Variants in ZSCAN25 observed in about 807,000 individuals in gnomAD.
ZSCAN25 encodes zinc finger and SCAN domain containing 25.
ZSCAN25 carries 27 observed loss-of-function variants against 38.7 expected under a neutral mutation model. That is an observed-to-expected ratio of 0.70 (90% confidence interval 0.51 to 0.96). ZSCAN25 has a LOEUF of 0.96. Among genes scored for constraint, ZSCAN25 ranks in the 40% least tolerant of loss-of-function variants. The pLI, the probability that ZSCAN25 is intolerant of heterozygous loss-of-function variation, is 0.00. For synonymous variants in ZSCAN25, 273 were observed against 277.7 expected (o/e 0.98, Z 0.17); for missense variants, 637 against 705.9 (o/e 0.90, Z 1.11).
the ZSCAN25 span, chr7:99,674,473 C>A: frequency 4.4e-6 from 6 of 1,359,046 alleles, no homozygotes; most frequent in Non-Finnish European, 6.3e-6. Context: ...GACTATCCTG[C>A]AGTGGGGTAA....
the ZSCAN25 span, chr7:99,638,826 G>A: frequency 2.4e-5 from 17 of 700,074 alleles, no homozygotes; most frequent in Non-Finnish European, 4.3e-5. Context: ...AGCCAACAAC[G>A]CCGCCGCCGC....
the ZSCAN25 span, among the ~76,000 whole-genome samples, chr7:99,675,933 C>T: frequency 1.3e-5 from 2 of 151,266 alleles, no homozygotes; most frequent in East Asian, 4.0e-4. Flanking sequence ...TGGGCTCAAG[C>T]AATTTGCCAG....
chr7:99,735,177 T>A, the ZSCAN25 span: 1 of 1,557,114 alleles, frequency 6.4e-7, no homozygotes, highest in Non-Finnish European at 8.8e-7. Flanking sequence ...GTGTGGAGCT[T>A]TCCTGCCCTG....
the ZSCAN25 span, among the ~76,000 whole-genome samples, chr7:99,639,404 C>T: frequency 0.071 from 10,858 of 152,196 alleles, 533 homozygotes; most frequent in Non-Finnish European, 0.11. Flanking sequence ...CTGTTGAAGT[C>T]TAATCTCAGG....
chr7:99,676,592 A>G, the ZSCAN25 span: 1 of 1,345,972 alleles, frequency 7.4e-7, no homozygotes, highest in East Asian at 4.5e-5. Context: ...TAGAAAGAGT[A>G]AGATTTTTTT....
the ZSCAN25 span, among the ~76,000 whole-genome samples, chr7:99,651,108 A>G: frequency 6.6e-6 from 1 of 152,152 alleles, no homozygotes; most frequent in African/African-American, 2.4e-5. Flanking sequence ...GATAGTCAGG[A>G]GGAGGGTGAT....
chr7:99,713,526 C>A, the ZSCAN25 span: 34 of 1,613,266 alleles, frequency 2.1e-5, no homozygotes, highest in Non-Finnish European at 2.9e-5. Context: ...TGAAGGAAAT[C>A]CACTCGGTGC....
At position 99,629,173 on chromosome 7, in the gene ZSCAN25, TCTC is replaced by T. The variant is rs1344608489; in HGVS notation, c.806-12_806-10del. On this transcript the variant is annotated splice_polypyrimidine_tract_variant and intron_variant, in intron 7 of 7. Coordinates refer to ENST00000394152, the MANE Select transcript of ZSCAN25 (RefSeq NM_145115.3). The surrounding 1 kb of genome is among the most constrained non-coding windows in gnomAD (Gnocchi z 5.6). ...GCGGCTACCACAGAATCAATCTTTA[TCTC>T]CTCCTGTCCTGTAGGCGGTGGGAGC... The T allele has an allele frequency of 1.3e-6, 2 of 1,575,948 alleles. No homozygotes were observed. Among genetic ancestry groups the T allele is most frequent in the East Asian group, 2.2e-5 (1 of 44,486 alleles).
At chr7:99,728,270 C>T in the ZSCAN25 span, among the ~76,000 whole-genome samples, 2 of 152,208 alleles carry the variant, frequency 1.3e-5, no homozygotes, top group African/African-American at 4.8e-5. Flanking sequence ...TAGAACTTCT[C>T]ATTTCCCTTA....
At chr7:99,704,542 T>G in the ZSCAN25 span, among the ~76,000 whole-genome samples, 1 of 152,106 alleles carries the variant, frequency 6.6e-6, no homozygotes, top group Non-Finnish European at 1.5e-5. Flanking sequence ...CTGCCTGCCT[T>G]GGCCTCCCAA....
At chr7:99,634,419 C>T (rs1320850834), downstream of ZSCAN25, among the ~76,000 whole-genome samples, 7 of 152,108 alleles carry the variant, frequency 4.6e-5, no homozygotes, top group African/African-American at 7.2e-5. Context: ...TTTGGGAGGC[C>T]GAGGCGGGCG....
intron 7 of ZSCAN25, among the ~76,000 whole-genome samples, chr7:99,626,565 A>T (rs922293848): frequency 6.6e-6 from 1 of 152,158 alleles, no homozygotes; most frequent in African/African-American, 2.4e-5. Flanking sequence ...AGAGTCAGAG[A>T]GGAGTCTACG....
At chr7:99,688,609 T>G in the ZSCAN25 span, among the ~76,000 whole-genome samples, 4 of 152,136 alleles carry the variant, frequency 2.6e-5, no homozygotes, top group Non-Finnish European at 5.9e-5. Flanking sequence ...ATTAGACAGA[T>G]CAACGAGACC....
the ZSCAN25 span, among the ~76,000 whole-genome samples, chr7:99,728,109 C>A: frequency 6.6e-6 from 1 of 152,182 alleles, no homozygotes; most frequent in Non-Finnish European, 1.5e-5. Flanking sequence ...TTTACTCTCC[C>A]ACTGAAGTTT....
the ZSCAN25 span, among the ~76,000 whole-genome samples, chr7:99,710,462 G>A: frequency 2.8e-4 from 43 of 152,192 alleles, no homozygotes; most frequent in African/African-American, 1.0e-3. Context: ...TAAATGCCAG[G>A]GAGGTTTTTG....
chr7:99,617,015 G>C lies in ZSCAN25; in HGVS notation c.-260G>C, dbSNP rs1806507845. ...GTGAGAGGCCCTTCAGGGCCGCGGCGGGTGAGAGCCTCTTCAGGGCCGCAG... is the reference window on the plus strand; with the variant it reads ...GTGAGAGGCCCTTCAGGGCCGCGGCCGGTGAGAGCCTCTTCAGGGCCGCAG... On this transcript the variant is annotated splice_region_variant and 5_prime_UTR_variant, in exon 1 of 8. Transcript: ENST00000394152. 6.6e-6 allele frequency: 1 copy of C among 152,250 alleles called. No homozygotes were observed. The highest frequency in any genetic ancestry group is 2.4e-5 in the African/African-American group (1 of 41,458). 9.4% of individuals were successfully genotyped at this position (152,250 alleles called of 1,614,324 possible). A position where few individuals can be genotyped will look rare whatever the true frequency, so the allele number is the denominator to read the frequency against.
the ZSCAN25 span, chr7:99,685,021 G>T: frequency 1.4e-5 from 10 of 711,408 alleles, no homozygotes; most frequent in Non-Finnish European, 2.4e-5. Flanking sequence ...GGTTATTTAT[G>T]CAGTACAGTG....
At position 99,632,094 on chromosome 7, in the gene ZSCAN25, G is replaced by A; in HGVS notation, c.*2074G>A. 1 of 985,374 alleles carries A rather than the reference G, an allele frequency of 1.0e-6. No homozygotes were observed. The highest frequency in any genetic ancestry group is 1.2e-6 in the Non-Finnish European group (1 of 829,950). 61.0% of individuals were successfully genotyped at this position (985,374 alleles called of 1,614,324 possible). A position where few individuals can be genotyped will look rare whatever the true frequency, so the allele number is the denominator to read the frequency against. ...GTCATACACAGCCAGCATTCCTCTGGGTTTCAGCAAGTTGGCATATCTTAA... is the reference window on the plus strand; with the variant it reads ...GTCATACACAGCCAGCATTCCTCTGAGTTTCAGCAAGTTGGCATATCTTAA... On this transcript the variant is annotated 3_prime_UTR_variant, in exon 8 of 8. Coordinates refer to ENST00000394152, the MANE Select transcript of ZSCAN25 (RefSeq NM_145115.3).
chr7:99,659,054 G>T, the ZSCAN25 span: 1 of 152,206 alleles, frequency 6.6e-6, no homozygotes, highest in East Asian at 1.9e-4. Flanking sequence ...GGAGTAGTTT[G>T]ATCGTCTGAA....
Sources: allele counts gnomAD v4.1 joint callset (sites outside exome capture counted in the v4.1 genomes callset), GRCh38; gene constraint gnomAD v4.1.1; non-coding constraint Gnocchi (gnomAD v3.1); transcripts MANE v1.5; gene names NCBI Gene and HGNC (gene_info 2026-07-23, HGNC 2026-07-21).